ADA: variants seen among roughly 807,000 people sequenced by gnomAD.
The protein encoded by ADA is adenosine deaminase.
Under a neutral mutation model 49.0 loss-of-function variants are expected in ADA, and 45 were observed. The observed-to-expected ratio is 0.92, with a 90% confidence interval of 0.72 to 1.18. The LOEUF (loss-of-function observed/expected upper bound fraction) is 1.18. Among genes scored for constraint, ADA ranks in the 50% most tolerant of loss-of-function variants. The pLI is 0.00. For synonymous variants in ADA, 173 were observed against 184.2 expected (o/e 0.94, Z 0.49); for missense variants, 445 against 472.5 (o/e 0.94, Z 0.54).
rs1169724564 is a variant in ADA, at chr20:44,621,147, C to A, written c.846G>T (p.Arg282=). 1 of 1,614,008 alleles carries A rather than the reference C, an allele frequency of 6.2e-7. No homozygotes were observed. The highest frequency in any genetic ancestry group is 1.3e-5 in the African/African-American group (1 of 74,910). ...AGTAGTTAGCCTGGTCATTTTTGAG[C>A]CTGCAGAAGAGGGAGGAGGAGAGAA... The part of the protein sequence containing the change: ...WKPDTEHAVI[R]LKNDQANYSL... Residue 282 remains arginine, a splice_region_variant and synonymous_variant, in exon 10 of 12, where the codon CGG becomes CGT. Coordinates refer to ENST00000372874, the MANE Select transcript of ADA (RefSeq NM_000022.4).
intron 1 of ADA, among the ~76,000 whole-genome samples, chr20:44,651,193 C>T (rs427483): frequency 1.3e-5 from 2 of 152,076 alleles, no homozygotes; most frequent in Non-Finnish European, 2.9e-5. Context: ...CAGTAGGCGC[C>T]GGGCACAGCA....
intron 7 of ADA, 29 bp from the exon 8 acceptor site, chr20:44,622,959 T>C (rs770169599): frequency 5.6e-6 from 9 of 1,614,078 alleles, no homozygotes; most frequent in African/African-American, 5.3e-5. Flanking sequence ...GAGCCAAGTA[T>C]GGGAGGAGGC....
At chr20:44,647,279 A>G (rs1046758956) in intron 1 of ADA, among the ~76,000 whole-genome samples, 1 of 151,962 alleles carries the variant, frequency 6.6e-6, no homozygotes, top group African/African-American at 2.4e-5. Flanking sequence ...TACTAAAAAT[A>G]CAAAAAATTA....
In ADA at chr20:44,643,559, G is replaced by T. The variant is rs1233617073; in HGVS notation, c.34-7271C>A. Among the ~76,000 whole-genome samples the T allele has an allele frequency of 2.0e-5, 3 of 152,298 alleles. No homozygotes were observed. In the East Asian group the frequency reaches 5.8e-4, roughly 29 times the overall value. On this transcript the variant is annotated intron_variant, in intron 1 of 11. Transcript: ENST00000372874. The stretch of plus-strand genomic sequence containing the variant: ...AGGCTAAGCCCGGAGAAGTTCAGTG[G>T]CCTGTCCAGAGTTACACAAAATTGA...
At chr20:44,629,827 C>T (rs2065417389) in intron 2 of ADA, among the ~76,000 whole-genome samples, 1 of 152,190 alleles carries the variant, frequency 6.6e-6, no homozygotes, top group Non-Finnish European at 1.5e-5. Flanking sequence ...CTGGAAACAG[C>T]CCCTCTGGCT....
chr20:44,636,122 G>A, intron 2 of ADA, 105 bp downstream of exon 2: 1 of 1,087,784 alleles, frequency 9.2e-7, no homozygotes, highest in Non-Finnish European at 1.4e-6. Context: ...TTCCCACAGG[G>A]AGACAGGAAG....
chr20:44,649,118 T>C (rs1048455729), intron 1 of ADA, among the ~76,000 whole-genome samples: 2 of 152,072 alleles, frequency 1.3e-5, no homozygotes, highest in East Asian at 1.9e-4. Context: ...AAACCCCAGA[T>C]TGGACATTTC....
In ADA at chr20:44,621,014, T is replaced by A. The variant is rs1479765016; in HGVS notation, c.975+4A>T. On this transcript the variant is annotated splice_donor_region_variant and intron_variant, in intron 10 of 11. Transcript: ENST00000372874. Reference sequence around the variant, plus strand: ...CAAGGCCAGTATGGCTCACACCCACTCACCAGCCTTTTAAACTCCTCTTCA... The same window carrying A: ...CAAGGCCAGTATGGCTCACACCCACACACCAGCCTTTTAAACTCCTCTTCA... 6.2e-7 allele frequency: 1 copy of A among 1,613,924 alleles called. No individual in the cohort carries two copies. Among genetic ancestry groups the A allele is most frequent in the Admixed American group, 1.7e-5 (1 of 60,010 alleles).
intron 6 of ADA, chr20:44,623,813 T>C (rs2065356112): frequency 2.9e-6 from 1 of 341,088 alleles, no homozygotes; most frequent in South Asian, 2.3e-5. Context: ...AGTCGCATTA[T>C]CACAGCTCAC....
At chr20:44,640,616 G>A (rs1168941070) in intron 1 of ADA, among the ~76,000 whole-genome samples, 2 of 149,924 alleles carry the variant, frequency 1.3e-5, no homozygotes, top group African/African-American at 4.9e-5. Context: ...CCAGTGAGCC[G>A]AGATTAAATC....
At chr20:44,637,114 T>C (rs1050431467) in intron 1 of ADA, among the ~76,000 whole-genome samples, 1 of 152,100 alleles carries the variant, frequency 6.6e-6, no homozygotes. Context: ...CCAGGCTCCA[T>C]TTTCAAAAGC....
At chr20:44,638,888 G>A (rs940689978) in intron 1 of ADA, among the ~76,000 whole-genome samples, 1 of 152,224 alleles carries the variant, frequency 6.6e-6, no homozygotes, top group Non-Finnish European at 1.5e-5. Context: ...CACAAGGCAG[G>A]GGTGCGGAGG....
chr20:44,629,028 T>C lies in ADA; in HGVS notation c.218+19A>G, dbSNP rs1223088753. On this transcript the variant is annotated intron_variant, in intron 3 of 11. Coordinates refer to ENST00000372874, the MANE Select transcript of ADA (RefSeq NM_000022.4). ...GGGATCAATGCTGCCCTAGGACCTG[T>C]GGGTTGGGGGCAACTCACGCGATAG... 1 of 1,614,120 alleles carries C rather than the reference T, an allele frequency of 6.2e-7. No homozygotes were observed. The highest frequency in any genetic ancestry group is 2.2e-5 in the East Asian group (1 of 44,878).
intron 1 of ADA, among the ~76,000 whole-genome samples, chr20:44,642,113 C>T (rs1171249614): frequency 6.6e-6 from 1 of 152,192 alleles, no homozygotes; most frequent in East Asian, 1.9e-4. Context: ...CCTCCCAGCT[C>T]TGCTTTACTC....
In ADA at chr20:44,629,134, T is replaced by C. The variant is rs2145324827; in HGVS notation, c.131A>G (p.Glu44Gly). The change falls in exon 3 of 12, where the codon GAG becomes GGG. Residue 44 changes from glutamate to glycine, a missense_variant. Coordinates refer to ENST00000372874, the MANE Select transcript of ADA (RefSeq NM_000022.4). Reference sequence around the variant, plus strand: ...CATGCCAATGACGTTCAGCAGCCCCTCTGCTGTGTTAGCTGGGAGGGCGAT... The same window carrying C: ...CATGCCAATGACGTTCAGCAGCCCCCCTGCTGTGTTAGCTGGGAGGGCGAT... The part of the protein sequence containing the change: ...RGIALPANTA[E>G]GLLNVIGMDK... 6.2e-7 allele frequency: 1 copy of C among 1,614,192 alleles called. No homozygotes were observed. Among genetic ancestry groups the C allele is most frequent in the Non-Finnish European group, 8.5e-7 (1 of 1,180,014 alleles).
At chr20:44,627,292 C>T (rs754753848) in intron 3 of ADA, among the ~76,000 whole-genome samples, 1 of 151,996 alleles carries the variant, frequency 6.6e-6, no homozygotes, top group Non-Finnish European at 1.5e-5. Context: ...AGTGATTCGT[C>T]TGCCTCAGCC....
chr20:44,630,580 G>A (rs995849739), intron 2 of ADA, among the ~76,000 whole-genome samples: 4 of 152,148 alleles, frequency 2.6e-5, no homozygotes, highest in Non-Finnish European at 1.5e-5. Context: ...CTGTCACGAT[G>A]TAAGAAAAGA....
chr20:44,642,709 A>G (rs1055063135), intron 1 of ADA, among the ~76,000 whole-genome samples: 2 of 152,190 alleles, frequency 1.3e-5, no homozygotes, highest in Non-Finnish European at 2.9e-5. Context: ...TGCTGTGTGG[A>G]GGACAGGATG....
intron 1 of ADA, among the ~76,000 whole-genome samples, chr20:44,645,971 C>A (rs941212470): frequency 1.3e-5 from 2 of 152,146 alleles, no homozygotes; most frequent in Non-Finnish European, 2.9e-5. Context: ...GGCAAGCCTA[C>A]CCCCAACACC....
Sources: allele counts gnomAD v4.1 joint callset (sites outside exome capture counted in the v4.1 genomes callset), GRCh38; gene constraint gnomAD v4.1.1; transcripts MANE v1.5; gene names NCBI Gene and HGNC (gene_info 2026-07-23, HGNC 2026-07-21).